The following KDM6A variants were observed in gnomAD, a reference collection of about 807,000 sequenced individuals.
The protein encoded by KDM6A is lysine demethylase 6A.
Under a neutral mutation model 117.6 loss-of-function variants are expected in KDM6A, and 11 were observed. The ratio of observed to expected loss-of-function variants is 0.09; its 90% CI spans 0.06 to 0.15. The LOEUF (loss-of-function observed/expected upper bound fraction) is 0.15. Among genes scored for constraint, KDM6A ranks in the 10% least tolerant of loss-of-function variants. The probability of loss-of-function intolerance (pLI) is 1.00; values close to 1 mark genes in which losing one functional copy is unlikely to be tolerated. For synonymous variants in KDM6A, 384 were observed against 396.1 expected (o/e 0.97, Z 0.36); for missense variants, 799 against 1,077.3 (o/e 0.74, Z 3.62).
rs186580549 is a variant in KDM6A at position 45,069,849 on chromosome X, A to G, written c.2350A>G (p.Arg784Gly). 48 of 1,210,088 alleles carry G rather than the reference A, an allele frequency of 4.0e-5. No individual in the cohort carries two copies. The East Asian group carries it at 1.4e-3, about 36-fold the overall frequency. Residue 784 changes from arginine (R) to glycine (G), a missense_variant, in exon 18 of 30, where the codon AGG (arginine) becomes GGG (glycine). By Grantham distance (125) the Arg-to-Gly change is moderately radical. Transcript: ENST00000611820. The stretch of plus-strand genomic sequence containing the variant: ...CATATTGACGGTGCCTGAAACAAGC[A>G]GGCACACTGGAGAGACACCTAACAG... ...GNILTVPETS[R>G]HTGETPNSTA...
intron 8 of KDM6A, among the ~76,000 whole-genome samples, chrX:45,039,472 C>G (rs1013182451): frequency 1.9e-5 from 2 of 105,459 alleles, no homozygotes; most frequent in Non-Finnish European, 3.9e-5. Context: ...AATGTGGGCA[C>G]AGGGCCCTCC....
At chrX:44,915,745 TAGCCGTCTGAGTTATC>T (rs1385993568) in intron 2 of KDM6A, among the ~76,000 whole-genome samples, 1 of 111,591 alleles carries the variant, frequency 9.0e-6, no homozygotes, top group Non-Finnish European at 1.9e-5. Flanking sequence ...GTCCACTTAG[TAGCCGTCTGAGTTATC>T]AGATTGACCG....
chrX:44,906,685 AGAGAGAGAGAGC>A (rs1449241145), intron 2 of KDM6A, among the ~76,000 whole-genome samples: 1 of 109,852 alleles, frequency 9.1e-6, no homozygotes, highest in Admixed American at 9.7e-5. Context: ...GTGTGTATAT[AGAGAGAGAGAGC>A]GAGAGAGAGA....
intron 8 of KDM6A, among the ~76,000 whole-genome samples, chrX:45,041,101 G>T (rs1216880765): frequency 2.8e-5 from 2 of 71,737 alleles, no homozygotes; most frequent in African/African-American, 6.2e-5. Context: ...CCTCCCGGAC[G>T]GGGTGGCTGG....
chrX:44,944,792 T>C (rs1219072890), intron 2 of KDM6A, among the ~76,000 whole-genome samples: 1 of 112,305 alleles, frequency 8.9e-6, no homozygotes. Context: ...TAAACTCAGT[T>C]ACTAGTTACA....
At chrX:45,012,864 G>C (rs1445739372) in intron 5 of KDM6A, among the ~76,000 whole-genome samples, 1 of 111,382 alleles carries the variant, frequency 9.0e-6, no homozygotes, top group Non-Finnish European at 1.9e-5. Flanking sequence ...CAGATCACTG[G>C]TTTTCTTTGT....
chrX:44,905,382 C>T (rs1214827032), intron 2 of KDM6A, among the ~76,000 whole-genome samples: 2 of 112,180 alleles, frequency 1.8e-5, no homozygotes, highest in African/African-American at 6.5e-5. Flanking sequence ...CTGTTGTATT[C>T]AGTACAGTAA....
At chrX:45,034,361 CATTGTAAAAGGACAGTTAT>C (rs2042725083) in intron 6 of KDM6A, among the ~76,000 whole-genome samples, 1 of 111,858 alleles carries the variant, frequency 8.9e-6, no homozygotes, top group South Asian at 3.6e-4. Context: ...TATAATGTCA[CATTGTAAAAGGACAGTTAT>C]ATTTGGTAGA....
intron 25 of KDM6A, among the ~76,000 whole-genome samples, chrX:45,086,797 C>T (rs1458632789): frequency 9.0e-6 from 1 of 111,512 alleles, no homozygotes; most frequent in Non-Finnish European, 1.9e-5. Flanking sequence ...CTAGAAAGTA[C>T]TTCATTATAT....
intron 6 of KDM6A, among the ~76,000 whole-genome samples, chrX:45,021,823 G>T (rs73200200): frequency 0.022 from 2,421 of 111,646 alleles, 26 homozygotes; most frequent in South Asian, 0.046. Flanking sequence ...TAAGTGCAGG[G>T]TGCAGGTAGT....
At chrX:44,877,984 A>G (rs920086954) in intron 2 of KDM6A, among the ~76,000 whole-genome samples, 4 of 111,487 alleles carry the variant, frequency 3.6e-5, no homozygotes, top group African/African-American at 1.3e-4. Context: ...TTATTAGGTC[A>G]GTTCTAGAGG....
At chrX:45,057,131 C>T (rs1057010490) in intron 10 of KDM6A, among the ~76,000 whole-genome samples, 3 of 111,428 alleles carry the variant, frequency 2.7e-5, no homozygotes, top group Admixed American at 1.9e-4. Context: ...TTTTTACAGC[C>T]TCTCTTCCAT....
intron 8 of KDM6A, among the ~76,000 whole-genome samples, chrX:45,047,292 A>G (rs1377425350): frequency 9.5e-6 from 1 of 105,654 alleles, no homozygotes; most frequent in Admixed American, 1.0e-4. Context: ...TTTCTGCTCC[A>G]CCGTTTTTCT....
chrX:44,873,745 C>T (rs915271706), intron 1 of KDM6A, 33 bp downstream of exon 1: 16 of 1,160,267 alleles, frequency 1.4e-5, no homozygotes, highest in East Asian at 9.8e-5. Flanking sequence ...CGGTCGGCTC[C>T]GGACGGGCAG....
intron 6 of KDM6A, among the ~76,000 whole-genome samples, chrX:45,034,537 G>A (rs1249811299): frequency 3.6e-5 from 4 of 111,546 alleles, no homozygotes; most frequent in Admixed American, 1.9e-4. Context: ...GAGATAAGCA[G>A]TGGTGTTCTG....
chrX:44,906,309 G>C, intron 2 of KDM6A, among the ~76,000 whole-genome samples: 1 of 110,127 alleles, frequency 9.1e-6, no homozygotes, highest in East Asian at 2.9e-4. Context: ...TACCACGCCT[G>C]GCTAATTTTT....
intron 27 of KDM6A, among the ~76,000 whole-genome samples, chrX:45,100,997 T>G (rs1345388271): frequency 9.0e-6 from 1 of 111,108 alleles, no homozygotes; most frequent in East Asian, 2.8e-4. Flanking sequence ...ATATTTCAGT[T>G]TTTAAATGTG....
chrX:45,067,729 T>TGCAACCTCC (rs1334526460), intron 17 of KDM6A, among the ~76,000 whole-genome samples: 6 of 102,993 alleles, frequency 5.8e-5, no homozygotes, highest in Non-Finnish European at 1.2e-4. Context: ...CTTGGCTCAC[T>TGCAACCTCC]GCAACCTCCG....
At chrX:45,026,362 A>C in intron 6 of KDM6A, among the ~76,000 whole-genome samples, 1 of 111,870 alleles carries the variant, frequency 8.9e-6, no homozygotes. Context: ...GTATAAACTC[A>C]GGAATTTTAT....
Sources: gnomAD v4.1 joint callset for allele counts (sites outside exome capture counted in the v4.1 genomes callset) on GRCh38, gnomAD v4.1.1 for gene constraint, MANE v1.5 for transcripts, NCBI Gene and HGNC (gene_info 2026-07-23, HGNC 2026-07-21) for gene names.